Variants in RHCG observed in about 807,000 individuals in gnomAD.
RHCG encodes Rh family C glycoprotein.
Under a neutral mutation model 55.3 loss-of-function variants are expected in RHCG, and 39 were observed. The observed-to-expected ratio is 0.70, with a 90% CI of 0.55 to 0.92. The LOEUF is 0.92. Ranked by LOEUF, RHCG falls within the 40% of genes least tolerant of loss-of-function variation. The probability of loss-of-function intolerance (pLI) is 0.00; values close to 1 mark genes in which losing one functional copy is unlikely to be tolerated. For synonymous variants in RHCG, 250 were observed against 246.8 expected, an observed-to-expected ratio of 1.01 and a Z score of -0.12; for missense variants, 635 against 627.9, an observed-to-expected ratio of 1.01 and a Z score of -0.12.
At chr15:89,494,062 G>A (rs1961523035) in intron 1 of RHCG, among the ~76,000 whole-genome samples, 1 of 149,216 alleles carries the variant, frequency 6.7e-6, no homozygotes, top group South Asian at 2.1e-4. Flanking sequence ...TTGATGCTGG[G>A]GCTCTCCCCC....
chr15:89,480,635 G>C (rs1191255500), intron 3 of RHCG, among the ~76,000 whole-genome samples: 1 of 152,234 alleles, frequency 6.6e-6, no homozygotes, highest in Non-Finnish European at 1.5e-5. Context: ...AGATTTGGTT[G>C]TTCCCAGATG....
Position 89,477,407 on chromosome 15 carries a change from T to C in RHCG, c.1112+110A>G. On this transcript the variant is annotated intron_variant, in intron 7 of 10. Transcript: ENST00000268122. This position sits in a 1 kb window ranked among gnomAD's most constrained non-coding sequence, Gnocchi z 4.5. ...GACCCATGAAACAATTGGTCCAGAG[T>C]GGGGAAGGAAAGGGAGAAAGATGCA... 6.7e-7 allele frequency: 1 copy of C among 1,481,586 alleles called. No homozygotes were observed. Among genetic ancestry groups the C allele is most frequent in the Non-Finnish European group, 9.1e-7 (1 of 1,095,090 alleles). The allele number at this position is 1,481,586 out of a possible 1,614,324, so 91.8% of individuals were successfully genotyped here. A position where few individuals can be genotyped will look rare whatever the true frequency, so the allele number is the denominator to read the frequency against.
chr15:89,486,593 AGAGAGAGTGTGTGT>A (rs1435499470), intron 2 of RHCG, 192 bp downstream of exon 2: 30 of 417,254 alleles, frequency 7.2e-5, no homozygotes, highest in African/African-American at 6.5e-4. Flanking sequence ...AGAGAGAGAG[AGAGAGAGTGTGTGT>A]GTGTGTGTGT....
chr15:89,496,353 A>T lies in RHCG; in HGVS notation c.184+8T>A, dbSNP rs550220953. 6.2e-7 allele frequency: 1 copy of T among 1,613,432 alleles called. No homozygotes were observed. The highest frequency in any genetic ancestry group is 1.3e-5 in the African/African-American group (1 of 75,010). The stretch of plus-strand genomic sequence containing the variant: ...GCCTCCGCTGGGCCTGCAGGCGGCG[A>T]GACTTACTTGGGTAGCGATAGTAGA... On this transcript the variant is annotated splice_region_variant and intron_variant, in intron 1 of 10. Coordinates refer to ENST00000268122, the MANE Select transcript of RHCG (RefSeq NM_016321.3).
Position 89,486,986 on chromosome 15 carries a change from C to T in RHCG, c.185-1G>A. ...ACCATCACGTGCACGTCCTGGAAGC[C>T]TGCGGGGACAGTGCAGCCCGGGACT... On this transcript the variant is annotated splice_acceptor_variant, in intron 1 of 10. Transcript: ENST00000268122. LOFTEE classifies it high-confidence loss of function. 6.3e-7 allele frequency: 1 copy of T among 1,586,594 alleles called. No individual in the cohort carries two copies. Among genetic ancestry groups the T allele is most frequent in the Non-Finnish European group, 8.6e-7 (1 of 1,161,238 alleles).
At chr15:89,476,670 C>G (rs963210798) in intron 9 of RHCG, 85 bp downstream of exon 9, 6 of 1,181,652 alleles carry the variant, frequency 5.1e-6, no homozygotes, top group Non-Finnish European at 7.6e-6. Context: ...CATCTGGGTC[C>G]CCAGGCCCCA....
intron 1 of RHCG, among the ~76,000 whole-genome samples, chr15:89,489,418 C>G (rs1319755655): frequency 6.6e-6 from 1 of 152,164 alleles, no homozygotes; most frequent in East Asian, 1.9e-4. Context: ...ACCACTGCAC[C>G]TGGCCAGAGT....
Position 89,477,375 on chromosome 15 carries a change from G to A in RHCG, c.1112+142C>T. On this transcript the variant is annotated intron_variant, in intron 7 of 10. Coordinates refer to ENST00000268122, the MANE Select transcript of RHCG (RefSeq NM_016321.3). This position sits in a 1 kb window ranked among gnomAD's most constrained non-coding sequence, Gnocchi z 4.5. ...TAAAACTCTAAGGGACAGAGTTTGG[G>A]GAGAGAGACCCATGAAACAATTGGT... 2.1e-6 allele frequency: 3 copies of A among 1,399,976 alleles called. No homozygotes were observed. The highest frequency in any genetic ancestry group is 2.9e-6 in the Non-Finnish European group (3 of 1,027,694). 86.7% of individuals were successfully genotyped at this position (1,399,976 alleles called of 1,614,324 possible).
chr15:89,480,532 G>C, intron 3 of RHCG, 124 bp from the exon 4 acceptor site: 1 of 1,173,368 alleles, frequency 8.5e-7, no homozygotes, highest in Non-Finnish European at 1.2e-6. Context: ...CAGGGTGCAG[G>C]ATGGAGCCTG....
chr15:89,488,954 A>G (rs1376509539), intron 1 of RHCG, among the ~76,000 whole-genome samples: 2 of 152,196 alleles, frequency 1.3e-5, no homozygotes, highest in South Asian at 4.1e-4. Flanking sequence ...AATATACTGG[A>G]ATAGTTAAGG....
intron 2 of RHCG, chr15:89,486,595 A>AGGGTGT (rs750785557): frequency 6.6e-6 from 2 of 305,308 alleles, no homozygotes; most frequent in South Asian, 2.6e-5. Context: ...AGAGAGAGAG[A>AGGGTGT]GAGAGTGTGT....
chr15:89,494,151 AC>A lies in RHCG; in HGVS notation c.184+2209del, dbSNP rs148793751. 2.5e-3 allele frequency among the ~76,000 whole-genome samples: 375 copies of A among 149,614 alleles called. 1 individual carries two copies. Among genetic ancestry groups the A allele is most frequent in the African/African-American group, 8.8e-3 (355 of 40,516 alleles). ...AACCACTGCCCCTCCTCGCAACACC[AC>A]CCCCTTTTAGTGGCCCCCTTGGCTG... On this transcript the variant is annotated intron_variant, in intron 1 of 10. Transcript: ENST00000268122.
chr15:89,481,950 C>T (rs765647785), intron 3 of RHCG, among the ~76,000 whole-genome samples: 15 of 152,010 alleles, frequency 9.9e-5, no homozygotes, highest in East Asian at 1.9e-4. Flanking sequence ...TACAGGCATG[C>T]GCCACTACAC....
At position 89,487,688 on chromosome 15, in the gene RHCG, T is replaced by C. The variant is rs529674920; in HGVS notation, c.185-703A>G. ...ATGACTCTGGGAAAGTTAAGTATTT[T>C]AACTCGGGGCTTGGCACCTGCTTCT... On this transcript the variant is annotated intron_variant, in intron 1 of 10. Transcript: ENST00000268122. Among the ~76,000 whole-genome samples the C allele has an allele frequency of 3.3e-5, 5 of 152,352 alleles. No homozygotes were observed. In the South Asian group the frequency reaches 1.0e-3, roughly 32 times the overall value.
chr15:89,480,914 CTT>C (rs949909560), intron 3 of RHCG, among the ~76,000 whole-genome samples: 120 of 152,348 alleles, frequency 7.9e-4, no homozygotes, highest in African/African-American at 2.8e-3. Flanking sequence ...CTCTCCTTCT[CTT>C]TTACCTCCTC....
intron 4 of RHCG, among the ~76,000 whole-genome samples, 159 bp downstream of exon 4, chr15:89,480,102 A>C (rs992097239): frequency 5.3e-5 from 8 of 152,320 alleles, no homozygotes; most frequent in Non-Finnish European, 1.0e-4. Context: ...CCCTTCCCCC[A>C]AAAAGAACTG....
rs573447230 is a variant in RHCG, at chr15:89,487,984, C to T, written c.185-999G>A. ...AGGATGATCTTAACTGCCCTCTCAGCGCTTATGTTGCATGGTTCTCAACTC... is the reference window on the plus strand; with the variant it reads ...AGGATGATCTTAACTGCCCTCTCAGTGCTTATGTTGCATGGTTCTCAACTC... On this transcript the variant is annotated intron_variant, in intron 1 of 10. Coordinates refer to ENST00000268122, the MANE Select transcript of RHCG (RefSeq NM_016321.3). Among the ~76,000 whole-genome samples the T allele has an allele frequency of 5.3e-5, 8 of 152,296 alleles. 1 individual carries two copies. The highest frequency in any genetic ancestry group is 2.6e-4 in the Admixed American group (4 of 15,298).
chr15:89,477,648 G>A lies in RHCG; in HGVS notation c.981C>T (p.Phe327=). ...STLGFVYLTP[F]LESRLHIQDT... ...CCTGGATGTGCAGCCGGGACTCCAGGAATGGCTGGAGACGGGAGGTGGGTG... is the reference window on the plus strand; with the variant it reads ...CCTGGATGTGCAGCCGGGACTCCAGAAATGGCTGGAGACGGGAGGTGGGTG... Residue 327 remains phenylalanine, a synonymous_variant, in exon 7 of 11, where the codon TTC becomes TTT. Coordinates refer to ENST00000268122, the MANE Select transcript of RHCG (RefSeq NM_016321.3). This position sits in a 1 kb window ranked among gnomAD's most constrained non-coding sequence, Gnocchi z 4.5. 6.2e-7 allele frequency: 1 copy of A among 1,613,970 alleles called. No homozygotes were observed. Among genetic ancestry groups the A allele is most frequent in the African/African-American group, 1.3e-5 (1 of 75,018 alleles).
At chr15:89,493,014 G>A (rs1961504718) in intron 1 of RHCG, among the ~76,000 whole-genome samples, 2 of 152,222 alleles carry the variant, frequency 1.3e-5, no homozygotes, top group South Asian at 2.1e-4. Flanking sequence ...CTGTGGCGAG[G>A]TGGTTGGCTC....
Sources: allele counts gnomAD v4.1 joint callset (sites outside exome capture counted in the v4.1 genomes callset), GRCh38; gene constraint gnomAD v4.1.1; non-coding constraint Gnocchi (gnomAD v3.1); transcripts MANE v1.5; gene names NCBI Gene and HGNC (gene_info 2026-07-23, HGNC 2026-07-21).